LRFN5: variants seen among roughly 807,000 people sequenced by gnomAD.
LRFN5 encodes the protein leucine rich repeat and fibronectin type III domain containing 5, also known as leucine-rich repeat and fibronectin type-III domain-containing protein 5.
In LRFN5, 24 loss-of-function variants were observed where a neutral mutation model predicts 45.6. The observed-to-expected ratio is 0.53, with a 90% CI of 0.38 to 0.74. LRFN5 has a LOEUF of 0.74. Ranked by LOEUF, LRFN5 falls within the 30% of genes least tolerant of loss-of-function variation. The pLI is 0.00. For synonymous variants in LRFN5, 340 were observed against 313.8 expected, an observed-to-expected ratio of 1.08 and a Z score of -0.88; for missense variants, 776 against 861.5, an observed-to-expected ratio of 0.90 and a Z score of 1.24.
chr14:41,754,559 G>T (rs561071995), intron 1 of LRFN5, among the ~76,000 whole-genome samples: 80 of 152,242 alleles, frequency 5.3e-4, no homozygotes, highest in African/African-American at 1.8e-3. Context: ...GCGTAGAGGT[G>T]TTTATAGTAT....
In LRFN5 at chr14:41,745,036, C is replaced by T. The variant is rs118106159; in HGVS notation, c.-196-21818C>T. Reference sequence around the variant, plus strand: ...AACAAAATAAGACAACCGGACCTAACAGATACACAGAACACTCTACCCAAC... The same window carrying T: ...AACAAAATAAGACAACCGGACCTAATAGATACACAGAACACTCTACCCAAC... On this transcript the variant is annotated intron_variant, in intron 1 of 5. Coordinates refer to ENST00000298119, the MANE Select transcript of LRFN5 (RefSeq NM_152447.5). Among the ~76,000 whole-genome samples the T allele has an allele frequency of 7.3e-3, 1,104 of 152,116 alleles. 50 individuals are homozygous for T. Among genetic ancestry groups the T allele is most frequent in the Admixed American group, 0.057 (864 of 15,282 alleles).
chr14:41,830,201 A>G (rs34958394), intron 2 of LRFN5, among the ~76,000 whole-genome samples: 2 of 151,420 alleles, frequency 1.3e-5, no homozygotes, highest in East Asian at 1.9e-4. Flanking sequence ...TCTTTTTTCA[A>G]TTGTAGTAGT....
intron 2 of LRFN5, among the ~76,000 whole-genome samples, chr14:41,858,386 T>TA (rs923438170): frequency 2.6e-5 from 4 of 152,120 alleles, no homozygotes; most frequent in Non-Finnish European, 4.4e-5. Flanking sequence ...CTATTTCCAG[T>TA]AAAAAATTTC....
chr14:41,625,810 C>G (rs755580807), intron 1 of LRFN5, among the ~76,000 whole-genome samples: 1 of 152,016 alleles, frequency 6.6e-6, no homozygotes, highest in African/African-American at 2.4e-5. Context: ...ATTTAAACAA[C>G]TTTATACAGC....
intron 1 of LRFN5, among the ~76,000 whole-genome samples, chr14:41,677,253 A>G (rs1038623641): frequency 2.0e-4 from 31 of 152,212 alleles, no homozygotes; most frequent in African/African-American, 6.5e-4. Context: ...CAAGTAGACA[A>G]CAGCTACCAC....
chr14:41,805,552 C>CT, intron 2 of LRFN5, among the ~76,000 whole-genome samples: 2 of 144,334 alleles, frequency 1.4e-5, no homozygotes, highest in African/African-American at 5.0e-5. Context: ...GCTATCCCTC[C>CT]ACCCCCCCCA....
intron 1 of LRFN5, among the ~76,000 whole-genome samples, chr14:41,740,057 C>T (rs933159862): frequency 6.6e-6 from 1 of 151,976 alleles, no homozygotes; most frequent in Non-Finnish European, 1.5e-5. Flanking sequence ...CAATAAAAAA[C>T]TTTCAAAAAT....
At chr14:41,674,226 A>C (rs1288484217) in intron 1 of LRFN5, among the ~76,000 whole-genome samples, 2 of 126,960 alleles carry the variant, frequency 1.6e-5, no homozygotes, top group Non-Finnish European at 1.7e-5. Context: ...TCCCTCCCGG[A>C]CGGGGCGGCT....
At chr14:41,865,372 T>C (rs1175537358) in intron 2 of LRFN5, among the ~76,000 whole-genome samples, 1 of 152,186 alleles carries the variant, frequency 6.6e-6, no homozygotes, top group African/African-American at 2.4e-5. Flanking sequence ...GATTTCAAGG[T>C]TCATTTATGG....
chr14:41,821,850 TC>T (rs138535861), intron 2 of LRFN5, among the ~76,000 whole-genome samples: 2,179 of 151,850 alleles, frequency 0.014, 51 homozygotes, highest in African/African-American at 0.049. Flanking sequence ...TCATTATTTG[TC>T]TACTCAAGTT....
intron 2 of LRFN5, among the ~76,000 whole-genome samples, chr14:41,846,992 A>C (rs965940042): frequency 2.0e-5 from 3 of 152,168 alleles, no homozygotes; most frequent in African/African-American, 4.8e-5. Context: ...TGTGTAAAGT[A>C]ACATTCATAG....
chr14:41,822,862 T>G (rs972829801), intron 2 of LRFN5, among the ~76,000 whole-genome samples: 4 of 151,468 alleles, frequency 2.6e-5, no homozygotes, highest in Admixed American at 6.6e-5. Flanking sequence ...TGTTTTTTTT[T>G]TTTTTTGCTG....
chr14:41,650,155 G>A (rs1880026231), intron 1 of LRFN5, among the ~76,000 whole-genome samples: 2 of 151,576 alleles, frequency 1.3e-5, no homozygotes, highest in Admixed American at 1.3e-4. Context: ...AGCACTTTGG[G>A]AGGCTGAGGT....
At chr14:41,830,599 G>A (rs555084877) in intron 2 of LRFN5, among the ~76,000 whole-genome samples, 1 of 152,288 alleles carries the variant, frequency 6.6e-6, no homozygotes, top group Non-Finnish European at 1.5e-5. Context: ...AATTATAGGA[G>A]ATGAAGTCCA....
At chr14:41,824,785 T>C (rs1888237179) in intron 2 of LRFN5, among the ~76,000 whole-genome samples, 1 of 152,100 alleles carries the variant, frequency 6.6e-6, no homozygotes, top group Non-Finnish European at 1.5e-5. Flanking sequence ...ACAAAGCTGC[T>C]CTCAGATGTC....
At chr14:41,622,280 T>C (rs1344311721) in intron 1 of LRFN5, among the ~76,000 whole-genome samples, 1 of 152,116 alleles carries the variant, frequency 6.6e-6, no homozygotes. Flanking sequence ...CTTAGCAAAT[T>C]TTGTTATTTT....
chr14:41,610,661 TAAAAAA>T lies in LRFN5; in HGVS notation c.-197+2116_-197+2121del, dbSNP rs199770856. On this transcript the variant is annotated intron_variant, in intron 1 of 5. Coordinates refer to ENST00000298119, the MANE Select transcript of LRFN5 (RefSeq NM_152447.5). ...TACCCCTCTGAGGTCCCAGGGAAGGTAAAAAAAAAAAAAAAAAAAAAAGTGTATTGC... is the reference window on the plus strand; with the variant it reads ...TACCCCTCTGAGGTCCCAGGGAAGGTAAAAAAAAAAAAAAAAGTGTATTGC... Among the ~76,000 whole-genome samples, 47 of 37,346 alleles carry T rather than the reference TAAAAAA, an allele frequency of 1.3e-3. 2 individuals are homozygous for T. Among genetic ancestry groups the T allele is most frequent in the Non-Finnish European group, 1.5e-3 (22 of 14,728 alleles). The allele number at this position is 37,346 out of a possible 152,430, so 24.5% of individuals were successfully genotyped here.
intron 1 of LRFN5, among the ~76,000 whole-genome samples, chr14:41,690,287 C>T (rs1270948467): frequency 6.6e-6 from 1 of 152,162 alleles, no homozygotes; most frequent in Non-Finnish European, 1.5e-5. Context: ...CAGTGGCTCA[C>T]CCCTGGAATT....
At chr14:41,711,727 G>T (rs560995947) in intron 1 of LRFN5, among the ~76,000 whole-genome samples, 1 of 152,116 alleles carries the variant, frequency 6.6e-6, no homozygotes. Flanking sequence ...TGTTATTAAT[G>T]TAAAATCACA....
Sources: gnomAD v4.1 joint callset for allele counts (sites outside exome capture counted in the v4.1 genomes callset) on GRCh38, gnomAD v4.1.1 for gene constraint, MANE v1.5 for transcripts, NCBI Gene and HGNC (gene_info 2026-07-23, HGNC 2026-07-21) for gene names.